The following TSPAN14 variants were observed in gnomAD, a reference collection of about 807,000 sequenced individuals.
The protein encoded by TSPAN14 is tetraspanin-14.
In TSPAN14, 16 loss-of-function variants were observed where a neutral mutation model predicts 36.6. The ratio of observed to expected loss-of-function variants is 0.44; its 90% CI spans 0.30 to 0.66. TSPAN14 has a LOEUF of 0.66. Among genes scored for constraint, TSPAN14 ranks in the 30% least tolerant of loss-of-function variants. The pLI is 0.12. For missense variants in TSPAN14, 231 were observed against 355.1 expected, an observed-to-expected ratio of 0.65 and a Z score of 2.81; for synonymous variants, 139 against 143.8, an observed-to-expected ratio of 0.97 and a Z score of 0.24.
At chr10:80,483,416 G>A (rs1424565545) in intron 1 of TSPAN14, among the ~76,000 whole-genome samples, 1 of 152,160 alleles carries the variant, frequency 6.6e-6, no homozygotes, top group African/African-American at 2.4e-5. Flanking sequence ...TGCAAACCAT[G>A]AGGTTCATGT....
At chr10:80,470,895 G>A (rs79798623) in intron 1 of TSPAN14, among the ~76,000 whole-genome samples, 2,275 of 152,240 alleles carry the variant, frequency 0.015, 47 homozygotes, top group African/African-American at 0.052. Context: ...TCATTGGAGG[G>A]TCAGTCTCGG....
intron 1 of TSPAN14, among the ~76,000 whole-genome samples, chr10:80,479,271 T>C (rs1847104282): frequency 6.6e-6 from 1 of 150,728 alleles, no homozygotes. Context: ...TAGTTTCTTT[T>C]GCTGTGCAGA....
Position 80,457,287 on chromosome 10 carries a change from G to C in TSPAN14, c.-18+2916G>C, listed in dbSNP as rs538138843. On this transcript the variant is annotated intron_variant, in intron 1 of 8. Transcript: ENST00000429989. ...TGCAACCTCCGCCTCCTGGGTTCAAGTGATTCTTCTCCTGCCTCAGCCTCC... is the reference window on the plus strand; with the variant it reads ...TGCAACCTCCGCCTCCTGGGTTCAACTGATTCTTCTCCTGCCTCAGCCTCC... Among the ~76,000 whole-genome samples, 4 of 151,830 alleles carry C rather than the reference G, an allele frequency of 2.6e-5. No individual in the cohort carries two copies. The East Asian group carries it at 7.9e-4, about 30-fold the overall frequency.
intron 8 of TSPAN14, among the ~76,000 whole-genome samples, chr10:80,517,183 C>G (rs1209332296): frequency 6.6e-6 from 1 of 152,154 alleles, no homozygotes; most frequent in Non-Finnish European, 1.5e-5. Context: ...CACCAGCCAC[C>G]CACACATGCC....
chr10:80,513,528 T>C (rs575924372), intron 6 of TSPAN14, among the ~76,000 whole-genome samples: 13 of 152,370 alleles, frequency 8.5e-5, no homozygotes, highest in East Asian at 5.8e-4. Context: ...TTAGCACATA[T>C]AGTTCTTACC....
intron 1 of TSPAN14, among the ~76,000 whole-genome samples, chr10:80,456,829 G>A (rs1221257124): frequency 1.3e-5 from 2 of 152,196 alleles, no homozygotes; most frequent in Non-Finnish European, 1.5e-5. Context: ...TTGGGAGGCC[G>A]AGGTGGGTGG....
chr10:80,495,859 C>T (rs1377555847), intron 2 of TSPAN14, among the ~76,000 whole-genome samples: 3 of 152,188 alleles, frequency 2.0e-5, no homozygotes, highest in African/African-American at 7.2e-5. Context: ...TCACCATCAT[C>T]ACAATGAAGA....
At chr10:80,516,209 G>C in exon 8 of TSPAN14, 1 of 1,614,226 alleles carries the variant, frequency 6.2e-7, no homozygotes, top group Non-Finnish European at 8.5e-7. Context: ...TGCAGCTGAA[G>C]AGCAAGTGGG....
chr10:80,478,202 G>A (rs2131987867), intron 1 of TSPAN14, among the ~76,000 whole-genome samples: 1 of 152,176 alleles, frequency 6.6e-6, no homozygotes, highest in South Asian at 2.1e-4. Context: ...CAATAAAAAG[G>A]AACAGTTAGA....
chr10:80,493,472 A>T (rs530764261), intron 2 of TSPAN14, among the ~76,000 whole-genome samples: 50 of 152,384 alleles, frequency 3.3e-4, no homozygotes, highest in Middle Eastern at 3.4e-3. Context: ...CATTCATAGC[A>T]GCATTATTTA....
chr10:80,488,986 C>T (rs141040748), intron 1 of TSPAN14, among the ~76,000 whole-genome samples: 1 of 152,212 alleles, frequency 6.6e-6, no homozygotes, highest in African/African-American at 2.4e-5. Flanking sequence ...TAAAAAGCAT[C>T]TTTCTTCCTT....
chr10:80,513,566 AACTGTGGCCCCCAGGC>A (rs1840771404), intron 6 of TSPAN14, among the ~76,000 whole-genome samples: 1 of 152,230 alleles, frequency 6.6e-6, no homozygotes. Flanking sequence ...CCTCCTAGCA[AACTGTGGCCCCCAGGC>A]CAAATCTGGC....
chr10:80,520,849 A>G, exon 9 of TSPAN14: 1 of 531,538 alleles, frequency 1.9e-6, no homozygotes, highest in Non-Finnish European at 3.9e-6. Context: ...CACCTCCTGA[A>G]TGTCCTCTGC....
At chr10:80,469,147 ATGGGGG>A (rs1846400860) in intron 1 of TSPAN14, among the ~76,000 whole-genome samples, 1 of 139,604 alleles carries the variant, frequency 7.2e-6, no homozygotes, top group South Asian at 2.7e-4. Flanking sequence ...TCTTTGGGGC[ATGGGGG>A]TGGGGGTAGG....
intron 4 of TSPAN14, among the ~76,000 whole-genome samples, chr10:80,508,493 G>A (rs1374656067): frequency 1.3e-5 from 2 of 152,158 alleles, no homozygotes; most frequent in African/African-American, 2.4e-5. Context: ...TGTCTTATAT[G>A]GCCAGTGATA....
chr10:80,498,187 ATC>A (rs1172663130), intron 2 of TSPAN14, among the ~76,000 whole-genome samples: 1 of 152,154 alleles, frequency 6.6e-6, no homozygotes, highest in Non-Finnish European at 1.5e-5. Flanking sequence ...GGCCACAAGC[ATC>A]TCTGTTGTTT....
intron 8 of TSPAN14, among the ~76,000 whole-genome samples, chr10:80,516,533 A>G (rs986808449): frequency 2.0e-5 from 3 of 152,130 alleles, no homozygotes; most frequent in African/African-American, 7.2e-5. Context: ...AACGCTACCT[A>G]TAGGGGGGCC....
rs146366551 is a variant in TSPAN14, at chr10:80,464,748, G to A, written c.-18+10377G>A. On this transcript the variant is annotated intron_variant, in intron 1 of 8. Transcript: ENST00000429989. ...GCACAGAGGTTTCTATTGTGGCCTG[G>A]TGGCAGTGAGGGCTGACCTGTGGAG... Among the ~76,000 whole-genome samples the A allele has an allele frequency of 1.3e-3, 197 of 152,268 alleles. 1 individual carries two copies. The highest frequency in any genetic ancestry group is 4.5e-3 in the African/African-American group (188 of 41,556).
intron 2 of TSPAN14, among the ~76,000 whole-genome samples, chr10:80,503,372 G>A (rs1364730073): frequency 2.6e-5 from 4 of 152,170 alleles, no homozygotes; most frequent in African/African-American, 9.7e-5. Context: ...CACTCGGGAT[G>A]TACTCCGTGA....
Sources: gnomAD v4.1 joint callset for allele counts (sites outside exome capture counted in the v4.1 genomes callset) on GRCh38, gnomAD v4.1.1 for gene constraint, MANE v1.5 for transcripts, NCBI Gene and HGNC (gene_info 2026-07-23, HGNC 2026-07-21) for gene names.